The following CSMD1 variants were observed in gnomAD, a reference collection of about 807,000 sequenced individuals.
CSMD1 encodes CUB and Sushi multiple domains 1, also known as CUB and sushi domain-containing protein 1.
In CSMD1, 213 loss-of-function variants were observed where a neutral mutation model predicts 417.5. That is an observed-to-expected ratio of 0.51 (90% CI 0.46 to 0.57). CSMD1 has a LOEUF of 0.57. CSMD1 is among the 20% of genes least tolerant of loss of function. The probability of loss-of-function intolerance (pLI) is 0.00; values close to 1 mark genes in which losing one functional copy is unlikely to be tolerated. For missense variants in CSMD1, 6,923 were observed against 4,529.7 expected (o/e 1.53, Z -15.17); for synonymous variants, 2,862 against 1,736.8 (o/e 1.65, Z -16.11).
intron 5 of CSMD1, among the ~76,000 whole-genome samples, chr8:3,970,633 T>A (rs1529317): frequency 0.7 from 107,070 of 151,876 alleles, 38,403 homozygotes; most frequent in East Asian, 0.93. Context: ...GGAATCTTCA[T>A]AGATTTGCTA....
intron 3 of CSMD1, among the ~76,000 whole-genome samples, chr8:4,071,396 C>G (rs1249727310): frequency 7.2e-6 from 1 of 139,568 alleles, no homozygotes; most frequent in Admixed American, 7.0e-5. Context: ...AGTAAACCTA[C>G]TTTAAAAAAA....
At chr8:4,061,931 T>G (rs1798992251) in intron 3 of CSMD1, among the ~76,000 whole-genome samples, 1 of 152,170 alleles carries the variant, frequency 6.6e-6, no homozygotes, top group South Asian at 2.1e-4. Flanking sequence ...CATTACTGAC[T>G]AACGAAAGAT....
rs113675543 is a variant in CSMD1, at chr8:4,438,194, G to C, written c.303-18129C>G. ...TTCTTAAAAAACTCATAAACATTGA[G>C]ATCGATCTGCAAGAAACTCCTGAAA... On this transcript the variant is annotated intron_variant, in intron 2 of 69. Coordinates refer to ENST00000635120, the MANE Select transcript of CSMD1 (RefSeq NM_033225.6). Among the ~76,000 whole-genome samples the C allele has an allele frequency of 1.3e-3, 195 of 152,262 alleles. 1 individual carries two copies. The highest frequency in any genetic ancestry group is 4.4e-3 in the African/African-American group (182 of 41,558).
chr8:3,921,023 G>A (rs916572570), intron 5 of CSMD1, among the ~76,000 whole-genome samples: 7 of 152,064 alleles, frequency 4.6e-5, no homozygotes, highest in African/African-American at 1.4e-4. Flanking sequence ...TCAGGTTTCC[G>A]AAAGAGTTTG....
intron 5 of CSMD1, among the ~76,000 whole-genome samples, chr8:3,893,417 T>C (rs1411406140): frequency 6.9e-6 from 1 of 145,354 alleles, no homozygotes; most frequent in Non-Finnish European, 1.5e-5. Flanking sequence ...CTTAACAAAA[T>C]CTGGATCAAC....
chr8:2,995,423 T>G (rs1005644545), intron 54 of CSMD1, among the ~76,000 whole-genome samples: 1 of 152,178 alleles, frequency 6.6e-6, no homozygotes, highest in East Asian at 1.9e-4. Context: ...TAGAGAAACT[T>G]CATCGCCCAC....
intron 3 of CSMD1, among the ~76,000 whole-genome samples, chr8:4,220,216 G>T (rs1014075147): frequency 6.6e-6 from 1 of 152,154 alleles, no homozygotes; most frequent in Non-Finnish European, 1.5e-5. Flanking sequence ...CTCTCAGAGT[G>T]CCGGGATTAG....
intron 3 of CSMD1, among the ~76,000 whole-genome samples, chr8:4,125,255 C>T (rs1386354294): frequency 1.3e-5 from 2 of 152,184 alleles, no homozygotes; most frequent in African/African-American, 2.4e-5. Flanking sequence ...CCATTCTATT[C>T]GAAGTCACCC....
chr8:4,581,661 T>A (rs1799423696), intron 2 of CSMD1, among the ~76,000 whole-genome samples: 1 of 152,218 alleles, frequency 6.6e-6, no homozygotes, highest in Admixed American at 6.5e-5. Context: ...GGGAGTTCAT[T>A]TGAATCTGTC....
chr8:3,781,164 A>T (rs1799158347), intron 5 of CSMD1, among the ~76,000 whole-genome samples: 1 of 152,192 alleles, frequency 6.6e-6, no homozygotes, highest in African/African-American at 2.4e-5. Flanking sequence ...AACAAGACAA[A>T]GATTGGTGAT....
At chr8:4,547,551 T>C (rs977837217) in intron 2 of CSMD1, among the ~76,000 whole-genome samples, 3 of 152,204 alleles carry the variant, frequency 2.0e-5, no homozygotes, top group Non-Finnish European at 2.9e-5. Context: ...TACCTGTTCG[T>C]AGATACTTGG....
chr8:3,512,304 T>G (rs1431483780), intron 10 of CSMD1, among the ~76,000 whole-genome samples: 1 of 152,230 alleles, frequency 6.6e-6, no homozygotes, highest in African/African-American at 2.4e-5. Context: ...GTGCTGAGTT[T>G]AGCAACTTAT....
At chr8:4,151,784 G>C (rs898792503) in intron 3 of CSMD1, among the ~76,000 whole-genome samples, 1 of 152,120 alleles carries the variant, frequency 6.6e-6, no homozygotes. Flanking sequence ...TTCTGCAAAT[G>C]CTTATTTTAT....
chr8:2,940,138 G>A (rs1359241782), intron 69 of CSMD1, among the ~76,000 whole-genome samples: 1 of 152,252 alleles, frequency 6.6e-6, no homozygotes, highest in Non-Finnish European at 1.5e-5. Flanking sequence ...TTTAGAGCCT[G>A]AGAAGCCAGT....
intron 25 of CSMD1, among the ~76,000 whole-genome samples, chr8:3,294,339 C>G (rs1287989004): frequency 6.6e-6 from 1 of 152,204 alleles, no homozygotes; most frequent in South Asian, 2.1e-4. Flanking sequence ...ATCCACTACG[C>G]TCTTCAAAGC....
At chr8:3,963,550 G>T (rs184174602) in intron 5 of CSMD1, among the ~76,000 whole-genome samples, 2 of 151,840 alleles carry the variant, frequency 1.3e-5, no homozygotes, top group Non-Finnish European at 2.9e-5. Flanking sequence ...CATAAAATTC[G>T]TATTTCAATT....
intron 4 of CSMD1, among the ~76,000 whole-genome samples, chr8:4,003,483 A>G (rs1815865574): frequency 1.3e-5 from 2 of 152,208 alleles, no homozygotes; most frequent in Non-Finnish European, 2.9e-5. Context: ...TGGGAAAAAA[A>G]GATTTTAAAT....
rs1015845364 is a variant in CSMD1 at position 4,008,329 on chromosome 8, A to C, written c.611-10219T>G. On this transcript the variant is annotated intron_variant, in intron 4 of 69. Coordinates refer to ENST00000635120, the MANE Select transcript of CSMD1 (RefSeq NM_033225.6). The stretch of plus-strand genomic sequence containing the variant: ...TGTTCAATTTTTAGGTGATCTATTA[A>C]TATAATGGAAGCTCCTTTTATTCCA... 2.0e-5 allele frequency among the ~76,000 whole-genome samples: 3 copies of C among 152,000 alleles called. No individual in the cohort carries two copies. The South Asian group carries it at 6.2e-4, about 31-fold the overall frequency.
intron 5 of CSMD1, among the ~76,000 whole-genome samples, chr8:3,832,314 A>G (rs765078248): frequency 2.0e-5 from 3 of 152,176 alleles, no homozygotes; most frequent in African/African-American, 7.2e-5. Context: ...TTAAAACGCA[A>G]TGATGTTCCT....
Sources: gnomAD v4.1 joint callset for allele counts (sites outside exome capture counted in the v4.1 genomes callset) on GRCh38, gnomAD v4.1.1 for gene constraint, MANE v1.5 for transcripts, NCBI Gene and HGNC (gene_info 2026-07-23, HGNC 2026-07-21) for gene names.